Variants in CCDC146 observed in about 807,000 individuals in gnomAD.
The protein encoded by CCDC146 is coiled-coil domain-containing protein 146.
In CCDC146, 92 loss-of-function variants were observed where a neutral mutation model predicts 119.3. The ratio of observed to expected loss-of-function variants is 0.77; its 90% CI spans 0.65 to 0.92. The LOEUF (loss-of-function observed/expected upper bound fraction) is 0.92, where lower values mean the gene tolerates loss of function less well. CCDC146 is among the 40% of genes least tolerant of loss of function. The pLI is 0.00. For synonymous variants in CCDC146, 372 were observed against 371.8 expected (o/e 1.00, Z -0.01); for missense variants, 1,000 against 1,103.0 (o/e 0.91, Z 1.32).
chr7:77,179,137 C>A (rs944503720), intron 2 of CCDC146, among the ~76,000 whole-genome samples: 5 of 151,918 alleles, frequency 3.3e-5, no homozygotes, highest in Non-Finnish European at 7.4e-5. Context: ...ATTAGGCAAG[C>A]AAGATTAGGT....
intron 2 of CCDC146, among the ~76,000 whole-genome samples, chr7:77,213,579 A>G (rs1374954517): frequency 1.3e-5 from 2 of 152,184 alleles, no homozygotes; most frequent in Non-Finnish European, 2.9e-5. Context: ...CATCACATAA[A>G]TAGTGAATAT....
chr7:77,221,952 G>A (rs1374191935), intron 2 of CCDC146, among the ~76,000 whole-genome samples: 1 of 152,204 alleles, frequency 6.6e-6, no homozygotes, highest in Admixed American at 6.5e-5. Flanking sequence ...GAGAATTTCA[G>A]CGAACAAAAC....
intron 1 of CCDC146, among the ~76,000 whole-genome samples, chr7:77,136,294 T>A (rs1299851021): frequency 1.3e-5 from 2 of 152,074 alleles, no homozygotes; most frequent in Non-Finnish European, 2.9e-5. Flanking sequence ...CAGATATCAA[T>A]GAAATTGAAA....
chr7:77,194,832 T>C (rs1041756640), intron 2 of CCDC146: 9 of 152,272 alleles, frequency 5.9e-5, no homozygotes, highest in Admixed American at 5.2e-4. Flanking sequence ...CTTTTTACGA[T>C]GATGAAATTA....
chr7:77,231,710 A>G (rs1385500229), intron 2 of CCDC146, among the ~76,000 whole-genome samples: 4 of 152,122 alleles, frequency 2.6e-5, no homozygotes, highest in African/African-American at 9.7e-5. Context: ...TTAATTTTTA[A>G]AACATGGTTT....
At chr7:77,146,458 T>C (rs1401850652) in intron 1 of CCDC146, among the ~76,000 whole-genome samples, 1 of 152,198 alleles carries the variant, frequency 6.6e-6, no homozygotes, top group Non-Finnish European at 1.5e-5. Flanking sequence ...CATTATGATG[T>C]TGGCTGGTTA....
intron 2 of CCDC146, among the ~76,000 whole-genome samples, chr7:77,205,736 C>G (rs35236654): frequency 6.6e-6 from 1 of 152,180 alleles, no homozygotes; most frequent in Non-Finnish European, 1.5e-5. Context: ...CCAGCCTGGG[C>G]AATACAGTCA....
intron 2 of CCDC146, among the ~76,000 whole-genome samples, chr7:77,191,685 G>T (rs1381761111): frequency 2.0e-5 from 3 of 152,048 alleles, no homozygotes; most frequent in Non-Finnish European, 2.9e-5. Context: ...AAGGTGGGCG[G>T]ATCACGAGGT....
At position 77,229,880 on chromosome 7, in the gene CCDC146, A is replaced by AT. The variant is rs1362469980; in HGVS notation, c.157-7067_157-7066insT. 3.4e-3 allele frequency among the ~76,000 whole-genome samples: 522 copies of AT among 152,324 alleles called. 3 individuals are homozygous for AT. The highest frequency in any genetic ancestry group is 0.012 in the African/African-American group (499 of 41,584). On this transcript the variant is annotated intron_variant, in intron 2 of 18. Transcript: ENST00000285871. ...TTTTAGTATATATACAGAGTTGTAT[A>AT]ATCATGGCATAATTGTAGAATATTT...
intron 1 of CCDC146, among the ~76,000 whole-genome samples, chr7:77,156,330 A>T (rs1791179020): frequency 6.6e-6 from 1 of 152,086 alleles, no homozygotes; most frequent in African/African-American, 2.4e-5. Flanking sequence ...TTATGAGGCA[A>T]TTTTTATCTG....
intron 1 of CCDC146, among the ~76,000 whole-genome samples, chr7:77,127,295 A>G (rs1790701860): frequency 6.6e-6 from 1 of 152,102 alleles, no homozygotes; most frequent in East Asian, 1.9e-4. Flanking sequence ...GCCTGTTCCC[A>G]GCCCCACTTC....
At chr7:77,132,791 G>A (rs1258098176) in intron 1 of CCDC146, among the ~76,000 whole-genome samples, 1 of 151,980 alleles carries the variant, frequency 6.6e-6, no homozygotes, top group African/African-American at 2.4e-5. Flanking sequence ...AAATTAAGCA[G>A]TGTAATTCAC....
chr7:77,197,540 T>C (rs1267467898), intron 2 of CCDC146, among the ~76,000 whole-genome samples: 1 of 152,196 alleles, frequency 6.6e-6, no homozygotes, highest in East Asian at 1.9e-4. Flanking sequence ...TGATTCTAAC[T>C]CTCCTAGAAC....
chr7:77,292,014 G>C (rs35832921), intron 17 of CCDC146, among the ~76,000 whole-genome samples: 1,523 of 152,234 alleles, frequency 0.01, 16 homozygotes, highest in Non-Finnish European at 0.014. Context: ...GAACACTCTT[G>C]GCTGGGCACA....
At chr7:77,234,671 G>T (rs1449062523) in intron 2 of CCDC146, among the ~76,000 whole-genome samples, 1 of 152,064 alleles carries the variant, frequency 6.6e-6, no homozygotes, top group African/African-American at 2.4e-5. Flanking sequence ...GGAGGTAGAG[G>T]TTGCAGTGAG....
chr7:77,276,888 T>C (rs1269544687), intron 11 of CCDC146, among the ~76,000 whole-genome samples: 2 of 152,092 alleles, frequency 1.3e-5, no homozygotes, highest in Non-Finnish European at 2.9e-5. Context: ...CTGCCCAACA[T>C]GGTGAAAGCC....
At chr7:77,290,630 C>T (rs1157574192) in intron 17 of CCDC146, among the ~76,000 whole-genome samples, 1 of 152,168 alleles carries the variant, frequency 6.6e-6, no homozygotes, top group Non-Finnish European at 1.5e-5. Context: ...GTTGTCAAAG[C>T]AGAAGCCTAG....
chr7:77,292,059 G>A (rs1793954209), intron 17 of CCDC146, among the ~76,000 whole-genome samples: 2 of 152,158 alleles, frequency 1.3e-5, no homozygotes, highest in African/African-American at 4.8e-5. Flanking sequence ...ACTTTGGGAG[G>A]CCGAGGCAGG....
chr7:77,143,484 C>T (rs1270927771), intron 1 of CCDC146, among the ~76,000 whole-genome samples: 7 of 149,646 alleles, frequency 4.7e-5, no homozygotes, highest in Non-Finnish European at 8.8e-5. Context: ...GACATGAAGT[C>T]CTTGCCCATG....
Sources: allele counts gnomAD v4.1 joint callset (sites outside exome capture counted in the v4.1 genomes callset), GRCh38; gene constraint gnomAD v4.1.1; transcripts MANE v1.5; gene names NCBI Gene and HGNC (gene_info 2026-07-23, HGNC 2026-07-21).